Variants in NCAPH observed in about 807,000 individuals in gnomAD.
NCAPH encodes non-SMC condensin I complex subunit H.
In NCAPH, 38 loss-of-function variants were observed where a neutral mutation model predicts 85.5. That is an observed-to-expected ratio of 0.44 (90% confidence interval 0.34 to 0.58). NCAPH has a LOEUF of 0.58. Ranked by LOEUF, NCAPH falls within the 20% of genes least tolerant of loss-of-function variation. NCAPH has a pLI of 0.01. For synonymous variants in NCAPH, 301 were observed against 335.1 expected, an observed-to-expected ratio of 0.90 and a Z score of 1.11; for missense variants, 789 against 916.6, an observed-to-expected ratio of 0.86 and a Z score of 1.80.
intron 4 of NCAPH, 42 bp from the exon 5 acceptor site, chr2:96,343,124 T>TTTTGTGTATC: frequency 6.2e-7 from 1 of 1,604,242 alleles, no homozygotes; most frequent in Non-Finnish European, 8.5e-7. Context: ...AGAAGTTGTT[T>TTTTGTGTATC]TTTGTGTATC....
intron 9 of NCAPH, among the ~76,000 whole-genome samples, chr2:96,356,404 T>C (rs1019178289): frequency 6.6e-6 from 1 of 152,204 alleles, no homozygotes; most frequent in African/African-American, 2.4e-5. Context: ...TTGGGACCAG[T>C]TGATAATAAC....
Position 96,339,982 on chromosome 2 carries a change from G to C in NCAPH, c.20-1660G>C, listed in dbSNP as rs140240410. Among the ~76,000 whole-genome samples, 8 of 152,164 alleles carry C rather than the reference G, an allele frequency of 5.3e-5. 1 individual carries two copies. The highest frequency in any genetic ancestry group is 1.9e-4 in the African/African-American group (8 of 41,520). On this transcript the variant is annotated intron_variant, in intron 1 of 17. Coordinates refer to ENST00000240423, the MANE Select transcript of NCAPH (RefSeq NM_015341.5). ...CTGTTGCCCCGGCTAGAGTGTAGTGGCGCCATCTCGGCTCACTACAGCCTC... is the reference window on the plus strand; with the variant it reads ...CTGTTGCCCCGGCTAGAGTGTAGTGCCGCCATCTCGGCTCACTACAGCCTC...
intron 7 of NCAPH, among the ~76,000 whole-genome samples, chr2:96,352,822 T>TG (rs2064463475): frequency 6.6e-6 from 1 of 152,224 alleles, no homozygotes; most frequent in Non-Finnish European, 1.5e-5. Flanking sequence ...TTAGTATAGT[T>TG]TTTGTGCTAA....
chr2:96,345,753 G>C (rs139959049), intron 6 of NCAPH, among the ~76,000 whole-genome samples: 25 of 152,286 alleles, frequency 1.6e-4, no homozygotes, highest in African/African-American at 5.5e-4. Flanking sequence ...GATATATATA[G>C]AGAGAGTAAA....
intron 9 of NCAPH, among the ~76,000 whole-genome samples, chr2:96,356,381 A>G (rs1373399085): frequency 6.6e-6 from 1 of 152,186 alleles, no homozygotes; most frequent in Non-Finnish European, 1.5e-5. Context: ...TTTCTCATCC[A>G]TAAAATGCAA....
intron 12 of NCAPH, among the ~76,000 whole-genome samples, chr2:96,361,902 A>G (rs924970269): frequency 1.4e-5 from 2 of 146,438 alleles, no homozygotes; most frequent in African/African-American, 5.1e-5. Context: ...TTTTAGAGAC[A>G]GGGTCTTGCT....
chr2:96,338,623 G>A (rs977993421), intron 1 of NCAPH, among the ~76,000 whole-genome samples: 2 of 152,114 alleles, frequency 1.3e-5, no homozygotes, highest in African/African-American at 4.8e-5. Flanking sequence ...GAAGGTCGTC[G>A]GGGTAGAGTG....
intron 9 of NCAPH, among the ~76,000 whole-genome samples, chr2:96,355,645 GTTTTTTTT>G (rs1235513133): frequency 7.3e-6 from 1 of 136,956 alleles, no homozygotes; most frequent in South Asian, 2.4e-4. Flanking sequence ...ATGTTTTTTT[GTTTTTTTT>G]TTTTTTGAGA....
chr2:96,356,918 T>C (rs964662984), intron 9 of NCAPH, among the ~76,000 whole-genome samples: 4 of 152,218 alleles, frequency 2.6e-5, no homozygotes, highest in African/African-American at 9.6e-5. Context: ...GGTGGAGCTC[T>C]TTGTGCACAT....
chr2:96,367,648 G>T (rs1432584961), intron 15 of NCAPH, among the ~76,000 whole-genome samples: 3 of 152,146 alleles, frequency 2.0e-5, no homozygotes, highest in Non-Finnish European at 4.4e-5. Flanking sequence ...GAGAGATCCT[G>T]TATCTTGAAA....
In NCAPH at chr2:96,364,501, C is replaced by T; in HGVS notation, c.1608C>T (p.Gly536=). 3 of 1,610,436 alleles carry T rather than the reference C, an allele frequency of 1.9e-6. No homozygotes were observed. The highest frequency in any genetic ancestry group is 2.5e-6 in the Non-Finnish European group (3 of 1,176,870). ...PGTRLLKMAQ[G]HRVETEHYEE... ...TTTAGTTACTTAAGATGGCCCAGGG[C>T]CATAGGGTAGAGACTGAGCATTATG... is the stretch of plus-strand genomic sequence containing the variant. The change falls in exon 13 of 18, where the codon GGC becomes GGT. Residue 536 remains glycine (G), a synonymous_variant. Transcript: ENST00000240423.
In NCAPH at chr2:96,364,573, C is replaced by T. The variant is rs758074239; in HGVS notation, c.1680C>T (p.Asn560=). ...ACAACAACCCTAACGACACCTCCAA[C>T]TTTTGCCCTGGATTACAGGTAAAGG... ...YDYNNPNDTS[N]FCPGLQAADS... is the part of the protein sequence containing the mutation. The change falls in exon 13 of 18, where the codon AAC becomes AAT. Residue 560 remains asparagine, a synonymous_variant. Coordinates refer to ENST00000240423, the MANE Select transcript of NCAPH (RefSeq NM_015341.5). 1.9e-6 allele frequency: 3 copies of T among 1,612,160 alleles called. No homozygotes were observed. Among genetic ancestry groups the T allele is most frequent in the South Asian group, 1.1e-5 (1 of 90,988 alleles).
intron 6 of NCAPH, among the ~76,000 whole-genome samples, chr2:96,347,896 A>G (rs2064382021): frequency 6.6e-6 from 1 of 152,050 alleles, no homozygotes; most frequent in Admixed American, 6.6e-5. Flanking sequence ...GGCCAGAGGA[A>G]GGAGAGTCAC....
chr2:96,369,027 A>C lies in NCAPH; in HGVS notation c.2054A>C (p.Lys685Thr). 1 of 1,556,686 alleles carries C rather than the reference A, an allele frequency of 6.4e-7. No individual in the cohort carries two copies. The highest frequency in any genetic ancestry group is 8.7e-7 in the Non-Finnish European group (1 of 1,149,718). ...EAALAEVADE[K>T]MLSGLTKDLQ... is the part of the protein sequence containing the mutation. ...GCCCTGGCAGAAGTGGCTGACGAGA[A>C]GATGCTTAGCGGGCTCACGAAGGAC... The change falls in exon 16 of 18, where the codon AAG becomes ACG. Residue 685 changes from lysine to threonine, a missense_variant. Lys to Thr is a moderately conservative substitution (Grantham distance 78, BLOSUM62 -1). Transcript: ENST00000240423.
At chr2:96,353,544 CT>C in intron 8 of NCAPH, 147 bp downstream of exon 8, 1 of 709,870 alleles carries the variant, frequency 1.4e-6, no homozygotes, top group South Asian at 1.8e-5. Flanking sequence ...GACAAAAACC[CT>C]GAGGGAGGAG....
At chr2:96,341,597 G>C (rs947452279) in intron 1 of NCAPH, 45 bp from the exon 2 acceptor site, 2 of 1,587,186 alleles carry the variant, frequency 1.3e-6, no homozygotes, top group Non-Finnish European at 1.7e-6. Context: ...TTTGGATATA[G>C]GAAATGTTCT....
Position 96,341,717 on chromosome 2 carries a change from G to T in NCAPH, c.95G>T (p.Arg32Leu). The change falls in exon 2 of 18, where the codon CGT becomes CTT. Residue 32 changes from arginine to leucine, a missense_variant. Coordinates refer to ENST00000240423, the MANE Select transcript of NCAPH (RefSeq NM_015341.5). ...HPHSASSPSE[R>L]VFPMPLPRKA... ...CACAGTGCCTCCTCTCCTTCAGAGC[G>T]TGTGTTCCCGATGCCCCTGCCCAGG... is the stretch of plus-strand genomic sequence containing the variant. 6.2e-7 allele frequency: 1 copy of T among 1,614,168 alleles called. No homozygotes were observed. Among genetic ancestry groups the T allele is most frequent in the Non-Finnish European group, 8.5e-7 (1 of 1,180,034 alleles).
At position 96,339,975 on chromosome 2, in the gene NCAPH, T is replaced by C. The variant is rs201451913; in HGVS notation, c.20-1667T>C. On this transcript the variant is annotated intron_variant, in intron 1 of 17. Transcript: ENST00000240423. ...TCTCACTCTGTTGCCCCGGCTAGAGTGTAGTGGCGCCATCTCGGCTCACTA... is the reference window on the plus strand; with the variant it reads ...TCTCACTCTGTTGCCCCGGCTAGAGCGTAGTGGCGCCATCTCGGCTCACTA... 4.6e-5 allele frequency among the ~76,000 whole-genome samples: 7 copies of C among 152,280 alleles called. No individual in the cohort carries two copies. The East Asian group carries it at 1.3e-3, about 29-fold the overall frequency.
chr2:96,337,292 G>C (rs189593837), intron 1 of NCAPH, among the ~76,000 whole-genome samples: 266 of 152,302 alleles, frequency 1.7e-3, no homozygotes, highest in Middle Eastern at 0.014. Flanking sequence ...CTCTCCAAAG[G>C]TCCAGGTTCC....
Sources: allele counts gnomAD v4.1 joint callset (sites outside exome capture counted in the v4.1 genomes callset), GRCh38; gene constraint gnomAD v4.1.1; transcripts MANE v1.5; gene names NCBI Gene and HGNC (gene_info 2026-07-23, HGNC 2026-07-21).